Variants in PIEZO2 observed in about 807,000 individuals in gnomAD.
PIEZO2 encodes the protein piezo type mechanosensitive ion channel component 2, also known as piezo-type mechanosensitive ion channel component 2.
PIEZO2 carries 172 observed loss-of-function variants against 337.3 expected under a neutral mutation model. The observed-to-expected ratio is 0.51, with a 90% CI of 0.45 to 0.58. The LOEUF is 0.58. PIEZO2 is among the 20% of genes least tolerant of loss of function. The probability of loss-of-function intolerance (pLI) is 0.00; values close to 1 mark genes in which losing one functional copy is unlikely to be tolerated. For missense variants in PIEZO2, 3,028 were observed against 3,391.3 expected (o/e 0.89, Z 2.66); for synonymous variants, 1,251 against 1,228.5 (o/e 1.02, Z -0.38).
intron 7 of PIEZO2, among the ~76,000 whole-genome samples, chr18:10,831,387 C>T (rs2040838522): frequency 6.6e-6 from 1 of 152,150 alleles, no homozygotes. Context: ...ATGGATGGAA[C>T]TGGAGGTCAT....
chr18:10,747,875 T>G (rs545341484), intron 30 of PIEZO2, among the ~76,000 whole-genome samples: 1 of 152,298 alleles, frequency 6.6e-6, no homozygotes, highest in East Asian at 1.9e-4. Flanking sequence ...TGATGGGACC[T>G]AGGCAAGGTC....
intron 4 of PIEZO2, among the ~76,000 whole-genome samples, chr18:10,893,028 G>C (rs1291464361): frequency 2.0e-5 from 3 of 152,152 alleles, no homozygotes; most frequent in Non-Finnish European, 4.4e-5. Context: ...TTCCCTAATA[G>C]AAAATTTATG....
rs2040879003 is a variant in PIEZO2 at position 11,148,878 on chromosome 18, C to G, written c.-290G>C. On this transcript the variant is annotated 5_prime_UTR_variant, in exon 1 of 56. Transcript: ENST00000674853. The surrounding 1 kb of genome is among the most constrained non-coding windows in gnomAD (Gnocchi z 5.2). ...GCCCATTTAGTGTGAATCCTGGATC[C>G]GGCAGCGGCGGCGGCTTCTTCAGGG... 2 of 359,214 alleles carry G rather than the reference C, an allele frequency of 5.6e-6. No homozygotes were observed. The highest frequency in any genetic ancestry group is 2.1e-5 in the African/African-American group (1 of 46,622). The allele number at this position is 359,214 out of a possible 1,614,324, so 22.3% of individuals were successfully genotyped here. A position where few individuals can be genotyped will look rare whatever the true frequency, so the allele number is the denominator to read the frequency against.
chr18:10,762,847 G>T, intron 22 of PIEZO2, 75 bp downstream of exon 22: 1 of 1,468,546 alleles, frequency 6.8e-7, no homozygotes, highest in Non-Finnish European at 9.1e-7. Flanking sequence ...TGTGCTTGGG[G>T]ATGGGGGTTC....
rs2040375098 is a variant in PIEZO2 at position 11,132,686 on chromosome 18, G to A, written c.64+15839C>T. The stretch of plus-strand genomic sequence containing the variant: ...AGAAGAAGGAGCACTGCCACCAGTA[G>A]ACACAATGATTCCATTAAACTGGGA... On this transcript the variant is annotated intron_variant, in intron 1 of 55. Coordinates refer to ENST00000674853, the MANE Select transcript of PIEZO2 (RefSeq NM_001378183.1). This position sits in a 1 kb window ranked among gnomAD's most constrained non-coding sequence, Gnocchi z 4.7. 6.6e-6 allele frequency among the ~76,000 whole-genome samples: 1 copy of A among 152,150 alleles called. No homozygotes were observed. Among genetic ancestry groups the A allele is most frequent in the Non-Finnish European group, 1.5e-5 (1 of 68,032 alleles).
At chr18:10,842,726 G>A (rs1038491530) in intron 7 of PIEZO2, among the ~76,000 whole-genome samples, 2 of 152,190 alleles carry the variant, frequency 1.3e-5, no homozygotes, top group Non-Finnish European at 2.9e-5. Flanking sequence ...ACATTATGTT[G>A]ATTGTGATGA....
intron 7 of PIEZO2, among the ~76,000 whole-genome samples, chr18:10,816,315 TG>T (rs2040362685): frequency 6.6e-6 from 1 of 152,216 alleles, no homozygotes; most frequent in Admixed American, 6.5e-5. Context: ...TGGCTTGAAA[TG>T]GGTTGTAAAC....
Position 10,742,622 on chromosome 18 carries a change from A to C in PIEZO2, c.4515-7T>G, listed in dbSNP as rs1568007780. On this transcript the variant is annotated splice_region_variant and splice_polypyrimidine_tract_variant and intron_variant, in intron 31 of 55. Transcript: ENST00000674853. ...GGCCTTGATGCGATCCATCCTATAAAGTAAAATAACATTAGTAATGCCAAG... is the reference window on the plus strand; with the variant it reads ...GGCCTTGATGCGATCCATCCTATAACGTAAAATAACATTAGTAATGCCAAG... 2.0e-6 allele frequency: 3 copies of C among 1,536,710 alleles called. No homozygotes were observed. Among genetic ancestry groups the C allele is most frequent in the Non-Finnish European group, 2.6e-6 (3 of 1,146,598 alleles).
intron 4 of PIEZO2, among the ~76,000 whole-genome samples, chr18:10,898,886 G>T (rs1315803263): frequency 6.6e-6 from 1 of 152,136 alleles, no homozygotes; most frequent in Admixed American, 6.5e-5. Context: ...GCCAAGATGG[G>T]GTTGAAAGAA....
chr18:11,142,188 T>C (rs1248499934), intron 1 of PIEZO2, among the ~76,000 whole-genome samples: 1 of 152,246 alleles, frequency 6.6e-6, no homozygotes, highest in Non-Finnish European at 1.5e-5. Flanking sequence ...TTTTATAAGC[T>C]GGTAACTGTT....
intron 1 of PIEZO2, among the ~76,000 whole-genome samples, chr18:11,100,688 C>T (rs1006405634): frequency 2.6e-5 from 4 of 152,152 alleles, no homozygotes; most frequent in Non-Finnish European, 4.4e-5. Flanking sequence ...CTCCGCCTCC[C>T]GGGTTCACGC....
In PIEZO2 at chr18:11,128,828, T is replaced by C. The variant is rs148526760; in HGVS notation, c.64+19697A>G. ...AAAAAGAACTGTTTGAGTTCTCTAA[T>C]TTATATAAACAACAATCTGGAGAAC... is the stretch of plus-strand genomic sequence containing the variant. On this transcript the variant is annotated intron_variant, in intron 1 of 55. Transcript: ENST00000674853. This position sits in a 1 kb window ranked among gnomAD's most constrained non-coding sequence, Gnocchi z 4.1. 2.9e-4 allele frequency among the ~76,000 whole-genome samples: 44 copies of C among 152,204 alleles called. No homozygotes were observed. In the East Asian group the frequency reaches 7.7e-3, roughly 27 times the overall value.
Position 10,800,572 on chromosome 18 carries a change from G to C in PIEZO2, c.1240-97C>G, listed in dbSNP as rs1056646983. 3.1e-5 allele frequency: 42 copies of C among 1,347,162 alleles called. 1 individual carries two copies. The East Asian group carries it at 1.2e-3, about 38-fold the overall frequency. The allele number at this position is 1,347,162 out of a possible 1,614,324, so 83.5% of individuals were successfully genotyped here. A position where few individuals can be genotyped will look rare whatever the true frequency, so the allele number is the denominator to read the frequency against. On this transcript the variant is annotated intron_variant, in intron 10 of 55. Coordinates refer to ENST00000674853, the MANE Select transcript of PIEZO2 (RefSeq NM_001378183.1). ...TCCCTTCCTCCACCCTAACTGAACA[G>C]TGAGGAGTTGATTACAAGCTGAATA... is the stretch of plus-strand genomic sequence containing the variant.
intron 10 of PIEZO2, among the ~76,000 whole-genome samples, 167 bp downstream of exon 10, chr18:10,801,223 C>CT (rs1177054059): frequency 6.6e-6 from 1 of 152,192 alleles, no homozygotes; most frequent in Non-Finnish European, 1.5e-5. Flanking sequence ...TATGATTATA[C>CT]TCAATTTCAT....
At chr18:11,046,822 C>T (rs1009759327) in intron 2 of PIEZO2, among the ~76,000 whole-genome samples, 1 of 152,180 alleles carries the variant, frequency 6.6e-6, no homozygotes, top group East Asian at 1.9e-4. Context: ...CTCCGGCAGC[C>T]AGGCTATAGA....
At chr18:10,974,500 A>G (rs1165279656) in intron 3 of PIEZO2, among the ~76,000 whole-genome samples, 1 of 152,244 alleles carries the variant, frequency 6.6e-6, no homozygotes, top group Non-Finnish European at 1.5e-5. Flanking sequence ...TCATGGACTA[A>G]GTATCAGAAA....
At position 10,945,603 on chromosome 18, in the gene PIEZO2, T is replaced by G. The variant is rs986891052; in HGVS notation, c.286+33932A>C. Among the ~76,000 whole-genome samples, 3 of 152,102 alleles carry G rather than the reference T, an allele frequency of 2.0e-5. No homozygotes were observed. The highest frequency in any genetic ancestry group is 7.2e-5 in the African/African-American group (3 of 41,410). ...AAATATGTATAGGAATATAAAAATGTCTAGCACCCAACAAGGTAAAATTCA... is the reference window on the plus strand; with the variant it reads ...AAATATGTATAGGAATATAAAAATGGCTAGCACCCAACAAGGTAAAATTCA... On this transcript the variant is annotated intron_variant, in intron 3 of 55. Coordinates refer to ENST00000674853, the MANE Select transcript of PIEZO2 (RefSeq NM_001378183.1). This position sits in a 1 kb window ranked among gnomAD's most constrained non-coding sequence, Gnocchi z 4.0.
intron 2 of PIEZO2, among the ~76,000 whole-genome samples, chr18:11,053,563 G>C (rs935183448): frequency 6.6e-6 from 1 of 152,178 alleles, no homozygotes; most frequent in Non-Finnish European, 1.5e-5. Flanking sequence ...GCTACAGACA[G>C]GTGCCACTGT....
rs1379952093 is a variant in PIEZO2, at chr18:10,784,175, T to A, written c.2492+609A>T. Among the ~76,000 whole-genome samples the A allele has an allele frequency of 1.3e-5, 2 of 152,230 alleles. No individual in the cohort carries two copies. On this transcript the variant is annotated intron_variant, in intron 17 of 55. Transcript: ENST00000674853. This position sits in a 1 kb window ranked among gnomAD's most constrained non-coding sequence, Gnocchi z 4.5. ...GATAACCCATTGTGGTTTGAATAAA[T>A]ACGGGCAGGAAAAGTAATATCCCAT...
Sources: gnomAD v4.1 joint callset for allele counts (sites outside exome capture counted in the v4.1 genomes callset) on GRCh38, gnomAD v4.1.1 for gene constraint, Gnocchi (gnomAD v3.1) non-coding constraint, MANE v1.5 for transcripts, NCBI Gene and HGNC (gene_info 2026-07-23, HGNC 2026-07-21) for gene names.